ATRN: variants seen among roughly 807,000 people sequenced by gnomAD.
ATRN encodes attractin-2.
A neutral mutation model predicts 178.7 loss-of-function variants in ATRN; 54 were observed. That is an observed-to-expected ratio of 0.30 (90% CI 0.24 to 0.38). The LOEUF (loss-of-function observed/expected upper bound fraction) is 0.38, where lower values mean the gene tolerates loss of function less well. ATRN is among the 10% of genes least tolerant of loss of function. The pLI, the probability that ATRN is intolerant of heterozygous loss-of-function variation, is 1.00. For missense variants in ATRN, 1,443 were observed against 1,815.1 expected, an observed-to-expected ratio of 0.79 and a Z score of 3.73; for synonymous variants, 636 against 663.0, an observed-to-expected ratio of 0.96 and a Z score of 0.63.
chr20:3,529,413 T>A (rs2085419177), intron 1 of ATRN, among the ~76,000 whole-genome samples: 1 of 152,234 alleles, frequency 6.6e-6, no homozygotes, highest in Admixed American at 6.5e-5. Flanking sequence ...ACTTCATTTA[T>A]AAAAGCCTAT....
intron 19 of ATRN, among the ~76,000 whole-genome samples, chr20:3,593,642 T>A: frequency 6.6e-6 from 1 of 152,218 alleles, no homozygotes; most frequent in East Asian, 1.9e-4. Context: ...TGATTCTGAC[T>A]TCAGCATCCA....
intron 1 of ATRN, among the ~76,000 whole-genome samples, chr20:3,501,735 G>T (rs949443551): frequency 1.3e-5 from 2 of 152,182 alleles, no homozygotes; most frequent in African/African-American, 2.4e-5. Flanking sequence ...TTTTCCCTTG[G>T]GGGGACTGGC....
At chr20:3,546,831 A>G (rs1297087077) in intron 4 of ATRN, among the ~76,000 whole-genome samples, 1 of 152,216 alleles carries the variant, frequency 6.6e-6, no homozygotes, top group African/African-American at 2.4e-5. Context: ...CAGAGAGTGT[A>G]CAGAGGAATA....
intron 1 of ATRN, among the ~76,000 whole-genome samples, chr20:3,483,469 C>T (rs983159343): frequency 6.6e-6 from 1 of 152,128 alleles, no homozygotes; most frequent in African/African-American, 2.4e-5. Context: ...ACCTCAGCCT[C>T]TGGAATAGCT....
At chr20:3,616,959 C>CCCTCAGTGT (rs1396182665) in intron 24 of ATRN, among the ~76,000 whole-genome samples, 1 of 152,180 alleles carries the variant, frequency 6.6e-6, no homozygotes, top group Non-Finnish European at 1.5e-5. Flanking sequence ...GCATTTTTAT[C>CCCTCAGTGT]CCTCAGTGTC....
intron 24 of ATRN, among the ~76,000 whole-genome samples, chr20:3,606,886 T>A (rs1387798624): frequency 5.3e-5 from 8 of 152,200 alleles, no homozygotes; most frequent in Non-Finnish European, 7.3e-5. Context: ...CTCTTTCTCA[T>A]CTCTGGAGAT....
intron 20 of ATRN, among the ~76,000 whole-genome samples, chr20:3,595,512 C>T (rs2086516793): frequency 6.6e-6 from 1 of 152,132 alleles, no homozygotes; most frequent in Non-Finnish European, 1.5e-5. Flanking sequence ...CTTCATGTTG[C>T]CCTAAAGCCA....
At chr20:3,567,809 C>T (rs2086058299) in intron 11 of ATRN, among the ~76,000 whole-genome samples, 1 of 152,130 alleles carries the variant, frequency 6.6e-6, no homozygotes, top group Admixed American at 6.6e-5. Flanking sequence ...TCTCAGTTGC[C>T]TGCTCCATGT....
At chr20:3,579,248 G>A (rs1231969492) in intron 15 of ATRN, among the ~76,000 whole-genome samples, 1 of 152,198 alleles carries the variant, frequency 6.6e-6, no homozygotes, top group Admixed American at 6.5e-5. Flanking sequence ...CACTTTGGGA[G>A]GCTGAGGTGG....
rs750572237 is a variant in ATRN, at chr20:3,562,421, A to C, written c.1593A>C (p.Ala531=). ...KAFSANKYRL[A]DDLYRYDVDT... ...TCAGTGCCAATAAGTACCGGCTTGC[A>C]GATGATCTCTACCGATATGATGTGG... is the stretch of plus-strand genomic sequence containing the variant. The change falls in exon 9 of 29, where the codon GCA becomes GCC. Residue 531 remains alanine, a synonymous_variant. Transcript: ENST00000262919. 6.2e-7 allele frequency: 1 copy of C among 1,614,208 alleles called. No homozygotes were observed. The highest frequency in any genetic ancestry group is 8.5e-7 in the Non-Finnish European group (1 of 1,180,026).
At chr20:3,540,358 T>C (rs765542795) in intron 3 of ATRN, 23 bp downstream of exon 3, 4 of 1,416,462 alleles carry the variant, frequency 2.8e-6, no homozygotes, top group South Asian at 1.2e-5. Context: ...TTACAAGCCT[T>C]CTTTCATCGT....
chr20:3,634,839 A>G (rs1355293182), intron 26 of ATRN, among the ~76,000 whole-genome samples: 1 of 152,226 alleles, frequency 6.6e-6, no homozygotes, highest in African/African-American at 2.4e-5. Context: ...GTGTGTAGTT[A>G]AGTTTTTAAC....
chr20:3,486,575 G>A (rs1300002225), intron 1 of ATRN, among the ~76,000 whole-genome samples: 1 of 151,828 alleles, frequency 6.6e-6, no homozygotes, highest in Non-Finnish European at 1.5e-5. Flanking sequence ...TTTATTTTTA[G>A]TAGATATGGG....
rs2085416717 is a variant in ATRN at position 3,529,278 on chromosome 20, A to C, written c.411-5975A>C. 2.6e-5 allele frequency among the ~76,000 whole-genome samples: 4 copies of C among 152,348 alleles called. No individual in the cohort carries two copies. The South Asian group carries it at 8.3e-4, about 32-fold the overall frequency. On this transcript the variant is annotated intron_variant, in intron 1 of 28. Coordinates refer to ENST00000262919, the MANE Select transcript of ATRN (RefSeq NM_139321.3). The stretch of plus-strand genomic sequence containing the variant: ...TCTTGAAAATGTGATTGTAAGGTGG[A>C]AACAGTTTGGCAGTTTCTTAAAAAT...
chr20:3,510,620 A>G (rs2085113446), intron 1 of ATRN, among the ~76,000 whole-genome samples: 1 of 152,188 alleles, frequency 6.6e-6, no homozygotes. Flanking sequence ...TCCCATCATT[A>G]GATTCAAGTT....
intron 1 of ATRN, among the ~76,000 whole-genome samples, chr20:3,480,457 C>T (rs1024324709): frequency 1.3e-5 from 2 of 152,156 alleles, no homozygotes; most frequent in African/African-American, 4.8e-5. Flanking sequence ...GAAATGGAGC[C>T]GGAGACCTGA....
intron 16 of ATRN, 131 bp from the exon 17 acceptor site, chr20:3,583,767 C>T (rs1255410769): frequency 1.1e-6 from 1 of 901,016 alleles, no homozygotes; most frequent in African/African-American, 1.7e-5. Context: ...GAAATTGTGC[C>T]ACTGCACTCT....
chr20:3,544,871 C>CA (rs1369221928), intron 3 of ATRN, among the ~76,000 whole-genome samples: 1 of 146,446 alleles, frequency 6.8e-6, no homozygotes, highest in African/African-American at 2.5e-5. Context: ...CATTTAGAAT[C>CA]CGTCATGTGC....
At chr20:3,636,074 A>G (rs2087022749) in intron 26 of ATRN, among the ~76,000 whole-genome samples, 1 of 152,222 alleles carries the variant, frequency 6.6e-6, no homozygotes, top group South Asian at 2.1e-4. Context: ...TTCAAGGTTG[A>G]GATGAGCTTA....
Sources: gnomAD v4.1 joint callset for allele counts (sites outside exome capture counted in the v4.1 genomes callset) on GRCh38, gnomAD v4.1.1 for gene constraint, MANE v1.5 for transcripts, NCBI Gene and HGNC (gene_info 2026-07-23, HGNC 2026-07-21) for gene names.